NCOR2: variants seen among roughly 807,000 people sequenced by gnomAD.
The protein encoded by NCOR2 is CTG repeat protein 26.
Under a neutral mutation model 262.9 loss-of-function variants are expected in NCOR2, and 81 were observed. The observed-to-expected ratio is 0.31, with a 90% CI of 0.26 to 0.37. The LOEUF (loss-of-function observed/expected upper bound fraction) is 0.37. Ranked by LOEUF, NCOR2 falls within the 10% of genes least tolerant of loss-of-function variation. The pLI is 1.00. For missense variants in NCOR2, 3,385 were observed against 3,621.4 expected, an observed-to-expected ratio of 0.93 and a Z score of 1.68; for synonymous variants, 1,659 against 1,559.3, an observed-to-expected ratio of 1.06 and a Z score of -1.51.
In NCOR2 at chr12:124,503,434, T is replaced by C. The variant is rs1286293463; in HGVS notation, c.-117-8066A>G. Among the ~76,000 whole-genome samples the C allele has an allele frequency of 6.6e-6, 1 of 151,804 alleles. No individual in the cohort carries two copies. On this transcript the variant is annotated intron_variant, in intron 1 of 46. Transcript: ENST00000404621. This position sits in a 1 kb window ranked among gnomAD's most constrained non-coding sequence, Gnocchi z 4.3. ...GAGGATGGATGGATGAATGCATGCA[T>C]GGATAGAGAAAGGAGGAAGGATGCA...
chr12:124,333,239 C>T, exon 42 of NCOR2: 5 of 1,612,736 alleles, frequency 3.1e-6, no homozygotes, highest in Non-Finnish European at 4.2e-6. Context: ...ATACCGTCCT[C>T]ACCACCACCC....
intron 6 of NCOR2, among the ~76,000 whole-genome samples, chr12:124,450,650 A>G (rs943280812): frequency 5.3e-5 from 8 of 152,202 alleles, no homozygotes; most frequent in African/African-American, 1.9e-4. Flanking sequence ...TGTAGCAAGC[A>G]CAGGGCTTCA....
intron 3 of NCOR2, among the ~76,000 whole-genome samples, chr12:124,480,512 C>A (rs1033195296): frequency 3.3e-4 from 50 of 152,232 alleles, no homozygotes; most frequent in African/African-American, 1.2e-3. Flanking sequence ...ATGTCCTGAG[C>A]TTTACTGAAA....
chr12:124,449,992 C>T (rs535940101), intron 6 of NCOR2, 125 bp from the exon 9 acceptor site: 2 of 958,762 alleles, frequency 2.1e-6, no homozygotes, highest in African/African-American at 1.6e-5. Context: ...CAGCCGCAGG[C>T]AGGCATGAAA....
intron 1 of NCOR2, among the ~76,000 whole-genome samples, chr12:124,512,040 G>A (rs990271888): frequency 3.3e-5 from 5 of 152,142 alleles, no homozygotes; most frequent in Non-Finnish European, 7.3e-5. Context: ...TCCTGCCTCA[G>A]CGTGGGACTA....
intron 42 of NCOR2, 43 bp downstream of exon 44, chr12:124,333,087 T>C (rs368672229): frequency 3.2e-6 from 5 of 1,556,014 alleles, no homozygotes; most frequent in Non-Finnish European, 3.5e-6. Flanking sequence ...GGGCAAGGGA[T>C]ACCAGAGCAT....
At chr12:124,424,696 G>A (rs529179648) in intron 11 of NCOR2, among the ~76,000 whole-genome samples, 69 of 152,288 alleles carry the variant, frequency 4.5e-4, no homozygotes, top group African/African-American at 1.6e-3. Flanking sequence ...GGTCCTGCCT[G>A]GCACCTCTTT....
At position 124,457,363 on chromosome 12, in the gene NCOR2, A is replaced by T. The variant is rs1272159505; in HGVS notation, c.706-201T>A. On this transcript the variant is annotated intron_variant, in intron 5 of 46. Coordinates refer to ENST00000405201, the Ensembl canonical transcript of NCOR2. The surrounding 1 kb of genome is among the most constrained non-coding windows in gnomAD (Gnocchi z 4.0). ...CACAGAGGAGCCTCAATACCCCCAC[A>T]GCGGCCCCAGCAAGCCAGCCAAGTT... 6.6e-6 allele frequency among the ~76,000 whole-genome samples: 1 copy of T among 151,460 alleles called. No individual in the cohort carries two copies. The highest frequency in any genetic ancestry group is 2.4e-5 in the African/African-American group (1 of 41,178).
intron 19 of NCOR2, among the ~76,000 whole-genome samples, chr12:124,373,595 G>A (rs568082454): frequency 4.7e-5 from 6 of 126,938 alleles, no homozygotes; most frequent in South Asian, 2.4e-4. Context: ...CAGTGCGTGC[G>A]CAGGGGCCCC....
intron 16 of NCOR2, 147 bp downstream of exon 18, chr12:124,397,972 G>A (rs1360039645): frequency 2.1e-5 from 19 of 887,472 alleles, no homozygotes; most frequent in Admixed American, 4.2e-5. Context: ...TGACAAACCT[G>A]AGAACAGCCC....
chr12:124,343,767 C>G (rs2036665786), intron 32 of NCOR2, among the ~76,000 whole-genome samples: 1 of 152,092 alleles, frequency 6.6e-6, no homozygotes, highest in Non-Finnish European at 1.5e-5. Flanking sequence ...GCTGGGAATA[C>G]AGGTGCGTAC....
intron 19 of NCOR2, 36 bp from the exon 22 acceptor site, chr12:124,372,646 G>T: frequency 6.4e-7 from 1 of 1,558,882 alleles, no homozygotes; most frequent in Non-Finnish European, 8.7e-7. Flanking sequence ...GATGAGCAGG[G>T]TCTGGCGGGG....
At chr12:124,343,933 A>C (rs1016006405) in intron 32 of NCOR2, among the ~76,000 whole-genome samples, 2 of 152,192 alleles carry the variant, frequency 1.3e-5, no homozygotes, top group Non-Finnish European at 2.9e-5. Context: ...TGGCCGGAAG[A>C]CAATTTTAAA....
At chr12:124,426,182 C>T (rs1208189894) in intron 11 of NCOR2, among the ~76,000 whole-genome samples, 1 of 152,178 alleles carries the variant, frequency 6.6e-6, no homozygotes, top group Non-Finnish European at 1.5e-5. Flanking sequence ...CCCAGAACCT[C>T]AGAATGCGGC....
exon 39 of NCOR2, chr12:124,335,494 G>A (rs1322408087): frequency 1.2e-6 from 2 of 1,606,358 alleles, no homozygotes; most frequent in Non-Finnish European, 1.7e-6. Flanking sequence ...TGGCTGCTTG[G>A]GCCGCAGCTC....
chr12:124,416,840 C>T (rs1314387709), intron 13 of NCOR2, among the ~76,000 whole-genome samples: 3 of 128,534 alleles, frequency 2.3e-5, no homozygotes, highest in African/African-American at 8.4e-5. Context: ...AGGGAGACCC[C>T]GTGGCCCAGG....
chr12:124,501,373 G>A (rs758356560), intron 1 of NCOR2, among the ~76,000 whole-genome samples: 8 of 151,172 alleles, frequency 5.3e-5, no homozygotes, highest in African/African-American at 1.5e-4. Flanking sequence ...GCGTATTAGC[G>A]CCCTCGGCTG....
In NCOR2 at chr12:124,402,422, T is replaced by A. The variant is rs765775462; in HGVS notation, c.1622A>T (p.Asp541Val). ...GCCTTACTTGAGGAGGTCTTCCTTG[T>A]CGTTCTCCACCTCCGGCTTCTCCTC... The change falls in exon 14 of 47, where the codon GAC becomes GTC. Residue 541 changes from aspartate (D) to valine (V), a missense_variant. By Grantham distance (152) the Asp-to-Val change is radical. Around this residue, in one of 5 missense-constraint regions of NCOR2, gnomAD observed 515 missense variants for 781.2 expected, o/e 0.66. Coordinates refer to ENST00000405201, the Ensembl canonical transcript of NCOR2. 6.2e-7 allele frequency: 1 copy of A among 1,614,168 alleles called. No homozygotes were observed. Among genetic ancestry groups the A allele is most frequent in the Non-Finnish European group, 8.5e-7 (1 of 1,180,014 alleles).
chr12:124,500,141 G>A (rs748020860), upstream of NCOR2, among the ~76,000 whole-genome samples: 2 of 152,098 alleles, frequency 1.3e-5, no homozygotes, highest in Non-Finnish European at 2.9e-5. Context: ...GAGGTCAAGG[G>A]ACTTGTAGAT....
Sources: gnomAD v4.1 joint callset for allele counts (sites outside exome capture counted in the v4.1 genomes callset) on GRCh38, gnomAD v4.1.1 for gene constraint, gnomAD v4.1.1 regional missense constraint, Gnocchi (gnomAD v3.1) non-coding constraint, MANE v1.5 for transcripts, NCBI Gene and HGNC (gene_info 2026-07-23, HGNC 2026-07-21) for gene names.